Variants in QRSL1 observed in about 807,000 individuals in gnomAD.
QRSL1 encodes the protein glutamyl-tRNA(Gln) amidotransferase subunit A, mitochondrial.
Under a neutral mutation model 61.6 loss-of-function variants are expected in QRSL1, and 54 were observed. The observed-to-expected ratio is 0.88, with a 90% CI of 0.70 to 1.10. The LOEUF (loss-of-function observed/expected upper bound fraction) is 1.10, where lower values mean the gene tolerates loss of function less well. Ranked by LOEUF, QRSL1 falls within the 50% of genes least tolerant of loss-of-function variation. QRSL1 has a pLI of 0.00. For missense variants in QRSL1, 505 were observed against 622.6 expected (o/e 0.81, Z 2.01); for synonymous variants, 228 against 225.7 (o/e 1.01, Z -0.09).
chr6:106,648,099 C>G (rs1260821655), intron 4 of QRSL1, among the ~76,000 whole-genome samples: 1 of 151,470 alleles, frequency 6.6e-6, no homozygotes, highest in African/African-American at 2.4e-5. Flanking sequence ...AGATTGAGAC[C>G]ATCCTGGCCA....
rs1777046873 is a variant in QRSL1, at chr6:106,643,004, A to G, written c.294A>G (p.Pro98=). The G allele has an allele frequency of 6.2e-7, 1 of 1,605,742 alleles. No homozygotes were observed. The highest frequency in any genetic ancestry group is 1.3e-5 in the African/African-American group (1 of 74,368). Residue 98 remains proline (P), a synonymous_variant, in exon 4 of 11, where the codon CCA becomes CCG. Coordinates refer to ENST00000369046, the MANE Select transcript of QRSL1 (RefSeq NM_018292.5). ...CTAAATTTTTTTCAGGTTATATACC[A>G]CCTTATAATGCTACAGTAGTTCAGA... is the stretch of plus-strand genomic sequence containing the variant. ...CASNMLKGYI[P]PYNATVVQKL...
Position 106,640,397 on chromosome 6 carries a change from C to G in QRSL1, c.73C>G (p.Gln25Glu), listed in dbSNP as rs906142788. The part of the protein sequence containing the change: ...QGQITPTELC[Q>E]KCLSLIKKTK... ...CCAAATTACACCAACAGAGCTCTGT[C>G]AAAAATGTCTCTCTCTTATCAAGAA... Residue 25 changes from glutamine (Q) to glutamate (E), a missense_variant, in exon 2 of 11, where the codon CAA (glutamine) becomes GAA (glutamate). Physicochemically the swap from Gln to Glu is conservative, Grantham distance 29. Coordinates refer to ENST00000369046, the MANE Select transcript of QRSL1 (RefSeq NM_018292.5). 1 of 1,612,832 alleles carries G rather than the reference C, an allele frequency of 6.2e-7. No homozygotes were observed. Among genetic ancestry groups the G allele is most frequent in the African/African-American group, 1.3e-5 (1 of 74,898 alleles).
chr6:106,648,124 C>T (rs1383668570), intron 4 of QRSL1, among the ~76,000 whole-genome samples: 3 of 151,416 alleles, frequency 2.0e-5, no homozygotes, highest in Admixed American at 6.6e-5. Context: ...GGTGAAACCC[C>T]GTCTCTACTG....
Position 106,632,828 on chromosome 6 carries a change from G to A in QRSL1, c.24+3123G>A, listed in dbSNP as rs1776859358. ...TTATTGGATTTTTTCCTGTTGAGTT[G>A]TTTGAACTCCTTATATACTTCGGTT... On this transcript the variant is annotated intron_variant, in intron 1 of 10. Transcript: ENST00000369046. 2.6e-5 allele frequency among the ~76,000 whole-genome samples: 4 copies of A among 152,072 alleles called. No homozygotes were observed. The South Asian group carries it at 8.3e-4, about 32-fold the overall frequency.
In QRSL1 at chr6:106,667,180, T is replaced by A. The variant is rs1410402026; in HGVS notation, c.*1178T>A. 1 of 152,238 alleles carries A rather than the reference T, an allele frequency of 6.6e-6. No individual in the cohort carries two copies. The highest frequency in any genetic ancestry group is 2.4e-5 in the African/African-American group (1 of 41,472). The allele number at this position is 152,238 out of a possible 1,614,324, so 9.4% of individuals were successfully genotyped here. ...CAAAATACACAAGTAACATACACTC[T>A]GAAAAACATGCAGATAATTTGCTGA... On this transcript the variant is annotated 3_prime_UTR_variant, in exon 11 of 11. Coordinates refer to ENST00000369046, the MANE Select transcript of QRSL1 (RefSeq NM_018292.5).
intron 9 of QRSL1, among the ~76,000 whole-genome samples, chr6:106,661,122 T>G (rs933510843): frequency 6.6e-6 from 1 of 151,118 alleles, no homozygotes; most frequent in Non-Finnish European, 1.5e-5. Context: ...TTTGTTTTGT[T>G]TTTTTTTGAG....
At chr6:106,645,297 C>A (rs553517777) in intron 4 of QRSL1, among the ~76,000 whole-genome samples, 7 of 152,272 alleles carry the variant, frequency 4.6e-5, no homozygotes, top group African/African-American at 1.7e-4. Context: ...ATTTATAGAT[C>A]AACTTGGAAA....
Position 106,640,710 on chromosome 6 carries a change from T to A in QRSL1, c.185-113T>A, listed in dbSNP as rs2306098. ...TGTATTAATTTCTGCCATAAATTTG[T>A]TTTCTGAAGAAGTATCTTTGCCAAA... is the stretch of plus-strand genomic sequence containing the variant. On this transcript the variant is annotated intron_variant, in intron 2 of 10. Transcript: ENST00000369046. 0.53 allele frequency: 578,746 copies of A among 1,082,212 alleles called. 158,792 individuals carry two copies. The highest frequency in any genetic ancestry group is 0.57 in the Non-Finnish European group (419,017 of 735,242). The allele number at this position is 1,082,212 out of a possible 1,614,324, so 67.0% of individuals were successfully genotyped here.
At position 106,652,496 on chromosome 6, in the gene QRSL1, T is replaced by C; in HGVS notation, c.763T>C (p.Ser255Pro). The C allele has an allele frequency of 6.2e-7, 1 of 1,614,268 alleles. No homozygotes were observed. The highest frequency in any genetic ancestry group is 8.5e-7 in the Non-Finnish European group (1 of 1,180,050). The change falls in exon 7 of 11, where the codon TCT becomes CCT. Residue 255 changes from serine (S) to proline (P), a missense_variant. Physicochemically the swap from Ser to Pro is moderately conservative, Grantham distance 74 (BLOSUM62 -1). Transcript: ENST00000369046. ...GALAGPDPRD[S>P]TTVHEPINKP... ...ACTGGCCGGACCTGACCCCAGGGACTCTACCACAGTACATGAACCTATTAA... is the reference window on the plus strand; with the variant it reads ...ACTGGCCGGACCTGACCCCAGGGACCCTACCACAGTACATGAACCTATTAA...
chr6:106,665,693 A>G, intron 10 of QRSL1, 89 bp from the exon 11 acceptor site: 1 of 1,088,888 alleles, frequency 9.2e-7, no homozygotes, highest in Non-Finnish European at 1.4e-6. Context: ...CTTATCCTGT[A>G]TTGTACTTAT....
chr6:106,629,698 T>A lies in QRSL1; in HGVS notation c.17T>A (p.Leu6His). The change falls in exon 1 of 11, where the codon CTC becomes CAC. Residue 6 changes from leucine (L) to histidine (H), a missense_variant. Transcript: ENST00000369046. Reference protein sequence around the residue: MLGRSLREVSAALKQG... With the variant: MLGRSHREVSAALKQG... ...ACGAGGACCATGCTGGGCCGGAGCC[T>A]CCGAGAAGTGAGTGGAATTGGCCCG... 1 of 1,606,360 alleles carries A rather than the reference T, an allele frequency of 6.2e-7. No homozygotes were observed. Among genetic ancestry groups the A allele is most frequent in the Middle Eastern group, 1.7e-4 (1 of 6,044 alleles).
In QRSL1 at chr6:106,634,923, G is replaced by C. The variant is rs1292734826; in HGVS notation, c.24+5218G>C. On this transcript the variant is annotated intron_variant, in intron 1 of 10. Transcript: ENST00000369046. The stretch of plus-strand genomic sequence containing the variant: ...ATCAAGGAGGATACTTAGGTTTTGG[G>C]CTAGGGCAGTTGGGGAAATGTGACA... 3.1e-4 allele frequency among the ~76,000 whole-genome samples: 47 copies of C among 152,082 alleles called. 1 individual carries two copies. Among genetic ancestry groups the C allele is most frequent in the Admixed American group, 3.1e-3 (47 of 15,260 alleles).
chr6:106,630,999 G>C (rs1776813095), intron 1 of QRSL1, among the ~76,000 whole-genome samples: 1 of 152,182 alleles, frequency 6.6e-6, no homozygotes, highest in Non-Finnish European at 1.5e-5. Flanking sequence ...GGCCGAGGCG[G>C]GTGGATCACG....
chr6:106,660,801 A>T (rs1777343869), intron 9 of QRSL1, among the ~76,000 whole-genome samples: 4 of 152,118 alleles, frequency 2.6e-5, no homozygotes, highest in Admixed American at 2.6e-4. Context: ...CATGGCAGAA[A>T]GCAAGGGTGG....
intron 1 of QRSL1, among the ~76,000 whole-genome samples, chr6:106,635,706 C>G (rs1273361891): frequency 6.6e-6 from 1 of 152,048 alleles, no homozygotes; most frequent in Admixed American, 6.6e-5. Context: ...AACCCCGTCT[C>G]TACTAAAAAT....
chr6:106,651,760 T>C (rs1435734946), intron 5 of QRSL1, among the ~76,000 whole-genome samples: 11 of 152,200 alleles, frequency 7.2e-5, no homozygotes, highest in Admixed American at 7.2e-4. Context: ...TTAATTTGAT[T>C]TGTTTTCAAT....
intron 10 of QRSL1, among the ~76,000 whole-genome samples, chr6:106,664,651 T>A (rs1777405376): frequency 6.6e-6 from 1 of 152,238 alleles, no homozygotes; most frequent in African/African-American, 2.4e-5. Context: ...GATTGCTTCC[T>A]CATGATTGGG....
chr6:106,642,532 G>T (rs964021294), intron 3 of QRSL1: 2 of 705,556 alleles, frequency 2.8e-6, no homozygotes, highest in Middle Eastern at 2.6e-4. Flanking sequence ...ACAGGGAGTT[G>T]TTTGCCATGT....
intron 7 of QRSL1, among the ~76,000 whole-genome samples, chr6:106,654,316 C>A (rs1278468083): frequency 6.6e-6 from 1 of 151,540 alleles, no homozygotes; most frequent in East Asian, 1.9e-4. Flanking sequence ...CGCCACTGCA[C>A]TCCAGCCTGG....
Sources: gnomAD v4.1 joint callset for allele counts (sites outside exome capture counted in the v4.1 genomes callset) on GRCh38, gnomAD v4.1.1 for gene constraint, MANE v1.5 for transcripts, NCBI Gene and HGNC (gene_info 2026-07-23, HGNC 2026-07-21) for gene names.